GNG7: variants seen among roughly 807,000 people sequenced by gnomAD.
GNG7 encodes the protein guanine nucleotide-binding protein G(I)/G(S)/G(O) subunit gamma-7.
Under a neutral mutation model 4.0 loss-of-function variants are expected in GNG7, and 1 was observed. The ratio of observed to expected loss-of-function variants is 0.25; its 90% CI spans 0.09 to 1.18. The LOEUF (loss-of-function observed/expected upper bound fraction) is 1.18, where lower values mean the gene tolerates loss of function less well. Ranked by LOEUF, GNG7 falls within the 50% of genes most tolerant of loss-of-function variation. GNG7 has a pLI of 0.50. For missense variants in GNG7, 86 were observed against 91.9 expected (o/e 0.94, Z 0.26); for synonymous variants, 34 against 36.9 (o/e 0.92, Z 0.29).
intron 1 of GNG7, among the ~76,000 whole-genome samples, chr19:2,665,233 T>G (rs569626144): frequency 6.6e-6 from 1 of 152,260 alleles, no homozygotes; most frequent in Admixed American, 6.5e-5. Flanking sequence ...TGTACCATTC[T>G]CTGGGATGGA....
At chr19:2,539,529 T>G (rs1407715790) in intron 3 of GNG7, among the ~76,000 whole-genome samples, 1 of 152,038 alleles carries the variant, frequency 6.6e-6, no homozygotes, top group Non-Finnish European at 1.5e-5. Flanking sequence ...GGTCTCGAAC[T>G]CCTGAACTCA....
intron 1 of GNG7, among the ~76,000 whole-genome samples, chr19:2,673,262 A>AC (rs1298781426): frequency 5.7e-5 from 8 of 141,228 alleles, no homozygotes; most frequent in Non-Finnish European, 1.1e-4. Context: ...CATCTCAAAA[A>AC]AAAAACAAAA....
Position 2,513,228 on chromosome 19 carries a change from G to A in GNG7, c.*1794C>T, listed in dbSNP as rs1163061819. On this transcript the variant is annotated 3_prime_UTR_variant, in exon 5 of 5. Coordinates refer to ENST00000382159, the MANE Select transcript of GNG7 (RefSeq NM_052847.3). Reference sequence around the variant, plus strand: ...CCAAGCAGGGATCCCCGCCTCACGGGCCTGCACGGAGGACCTGGGCGGCCG... The same window carrying A: ...CCAAGCAGGGATCCCCGCCTCACGGACCTGCACGGAGGACCTGGGCGGCCG... The A allele has an allele frequency of 1.3e-6, 1 of 764,844 alleles. No homozygotes were observed. Among genetic ancestry groups the A allele is most frequent in the Non-Finnish European group, 1.6e-6 (1 of 628,566 alleles). The allele number at this position is 764,844 out of a possible 1,614,324, so 47.4% of individuals were successfully genotyped here.
chr19:2,534,751 T>C (rs1050294249), intron 3 of GNG7, among the ~76,000 whole-genome samples: 1 of 152,210 alleles, frequency 6.6e-6, no homozygotes, highest in Admixed American at 6.5e-5. Context: ...CGAGAACTGA[T>C]AGTTTCTGTC....
intron 2 of GNG7, among the ~76,000 whole-genome samples, chr19:2,579,104 C>A (rs1473672207): frequency 6.6e-6 from 1 of 152,262 alleles, no homozygotes; most frequent in Non-Finnish European, 1.5e-5. Context: ...CCCGCCGGTG[C>A]CTGCAGCAGA....
chr19:2,576,345 G>C (rs1174281218), intron 2 of GNG7, among the ~76,000 whole-genome samples: 1 of 152,200 alleles, frequency 6.6e-6, no homozygotes, highest in Non-Finnish European at 1.5e-5. Context: ...CGGTGTGCTG[G>C]GAATCCGCCC....
chr19:2,587,942 G>C (rs1349607914), intron 2 of GNG7, among the ~76,000 whole-genome samples: 1 of 151,818 alleles, frequency 6.6e-6, no homozygotes, highest in Non-Finnish European at 1.5e-5. Context: ...GGAAAGAAAA[G>C]AAAAAGAAAG....
chr19:2,677,253 ATT>A (rs60983729), intron 1 of GNG7, among the ~76,000 whole-genome samples: 1,542 of 145,506 alleles, frequency 0.011, 18 homozygotes, highest in African/African-American at 0.031. Context: ...AGAGAATTCC[ATT>A]TTTTTTTTTT....
chr19:2,619,146 G>A (rs960408463), intron 2 of GNG7, among the ~76,000 whole-genome samples: 7 of 152,170 alleles, frequency 4.6e-5, no homozygotes, highest in East Asian at 1.9e-4. Flanking sequence ...ACAAATATCC[G>A]TAAGTAGAAG....
At chr19:2,689,099 C>T (rs1435504652) in intron 1 of GNG7, among the ~76,000 whole-genome samples, 1 of 150,982 alleles carries the variant, frequency 6.6e-6, no homozygotes, top group Non-Finnish European at 1.5e-5. Flanking sequence ...AAAAATATTA[C>T]TTTTAATGGC....
At position 2,512,230 on chromosome 19, in the gene GNG7, C is replaced by T; in HGVS notation, c.*2792G>A. ...GTGCACGCGCGCTCCTGGAAACGCC[C>T]ATAAAACATGCGTTCACCCCAGGGA... is the stretch of plus-strand genomic sequence containing the variant. On this transcript the variant is annotated 3_prime_UTR_variant, in exon 5 of 5. Transcript: ENST00000382159. The surrounding 1 kb of genome is among the most constrained non-coding windows in gnomAD (Gnocchi z 4.7). The T allele has an allele frequency of 1.0e-6, 1 of 985,886 alleles. No homozygotes were observed. Among genetic ancestry groups the T allele is most frequent in the South Asian group, 4.7e-5 (1 of 21,290 alleles). 61.1% of individuals were successfully genotyped at this position (985,886 alleles called of 1,614,324 possible). A position where few individuals can be genotyped will look rare whatever the true frequency, so the allele number is the denominator to read the frequency against.
Position 2,572,166 on chromosome 19 carries a change from G to A in GNG7, c.-77-16978C>T, listed in dbSNP as rs969106261. Among the ~76,000 whole-genome samples, 30 of 150,684 alleles carry A rather than the reference G, an allele frequency of 2.0e-4. 1 individual carries two copies. The highest frequency in any genetic ancestry group is 6.6e-4 in the African/African-American group (27 of 41,010). On this transcript the variant is annotated intron_variant, in intron 2 of 4. Transcript: ENST00000382159. ...CCTGCCGAGTGGCTGGGACCACAGG[G>A]GCACACCACAACACCAGGCTAATTT...
chr19:2,603,354 C>T (rs914395676), intron 2 of GNG7, among the ~76,000 whole-genome samples: 1 of 152,230 alleles, frequency 6.6e-6, no homozygotes, highest in Non-Finnish European at 1.5e-5. Context: ...CGTGAGCCGC[C>T]GTGCCCGGCC....
intron 1 of GNG7, among the ~76,000 whole-genome samples, chr19:2,647,160 A>G (rs1169784377): frequency 6.6e-6 from 1 of 152,206 alleles, no homozygotes; most frequent in African/African-American, 2.4e-5. Flanking sequence ...TGTTCCTGCA[A>G]ACACCGTGGT....
At chr19:2,619,345 G>A (rs1237656270) in intron 2 of GNG7, among the ~76,000 whole-genome samples, 1 of 152,180 alleles carries the variant, frequency 6.6e-6, no homozygotes, top group South Asian at 2.1e-4. Context: ...TGGCTTTCCC[G>A]CTACAATGGC....
chr19:2,662,817 G>A (rs1046578758), intron 1 of GNG7, among the ~76,000 whole-genome samples: 4 of 152,090 alleles, frequency 2.6e-5, no homozygotes, highest in African/African-American at 9.7e-5. Context: ...AGAGGCTGGA[G>A]GGTACAGCTA....
At chr19:2,695,285 A>C (rs1913217936) in intron 1 of GNG7, among the ~76,000 whole-genome samples, 5 of 146,170 alleles carry the variant, frequency 3.4e-5, no homozygotes, top group Non-Finnish European at 7.5e-5. Context: ...CCCCCTCTCT[A>C]CCCCCCTGGA....
At chr19:2,657,354 AAAAAAAAATAT>A (rs1258525043) in intron 1 of GNG7, among the ~76,000 whole-genome samples, 1 of 21,864 alleles carries the variant, frequency 4.6e-5, no homozygotes, top group African/African-American at 1.1e-4. Flanking sequence ...AAAAAAAAAA[AAAAAAAAATAT>A]ATATATATAT....
intron 2 of GNG7, among the ~76,000 whole-genome samples, chr19:2,598,458 C>T (rs547584007): frequency 4.0e-5 from 6 of 150,800 alleles, no homozygotes. Flanking sequence ...GAGATCGAGA[C>T]CATCCTGGCT....
Sources: gnomAD v4.1 joint callset for allele counts (sites outside exome capture counted in the v4.1 genomes callset) on GRCh38, gnomAD v4.1.1 for gene constraint, Gnocchi (gnomAD v3.1) non-coding constraint, MANE v1.5 for transcripts, NCBI Gene and HGNC (gene_info 2026-07-23, HGNC 2026-07-21) for gene names.